The following MYH7B variants were observed in gnomAD, a reference collection of about 807,000 sequenced individuals.
MYH7B encodes myosin heavy chain 7B, also known as myosin-7B.
A neutral mutation model predicts 234.5 loss-of-function variants in MYH7B; 205 were observed. The ratio of observed to expected loss-of-function variants is 0.87; its 90% CI spans 0.78 to 0.98. The LOEUF (loss-of-function observed/expected upper bound fraction) is 0.98, where lower values mean the gene tolerates loss of function less well. Among genes scored for constraint, MYH7B ranks in the 50% least tolerant of loss-of-function variants. The pLI, the probability that MYH7B is intolerant of heterozygous loss-of-function variation, is 0.00. For synonymous variants in MYH7B, 1,193 were observed against 1,105.0 expected (o/e 1.08, Z -1.58); for missense variants, 2,652 against 2,633.4 (o/e 1.01, Z -0.15).
chr20:34,980,923 A>G (rs2081932962), intron 8 of MYH7B, 110 bp from the exon 9 acceptor site: 1 of 1,535,470 alleles, frequency 6.5e-7, no homozygotes, highest in Non-Finnish European at 9.0e-7. Flanking sequence ...GCTCCTTCCC[A>G]TTCCTGGCTC....
chr20:34,994,364 C>T (rs1033624016), exon 27 of MYH7B: 1 of 1,598,294 alleles, frequency 6.3e-7, no homozygotes, highest in Admixed American at 1.7e-5. Flanking sequence ...GTCAGCATCA[C>T]CCAGGAGAAG....
Position 34,975,413 on chromosome 20 carries a change from A to G in MYH7B, c.-208A>G, listed in dbSNP as rs1194785204. The G allele has an allele frequency of 2.7e-5, 17 of 633,938 alleles. No homozygotes were observed. Among genetic ancestry groups the G allele is most frequent in the Non-Finnish European group, 4.4e-5 (15 of 344,434 alleles). 39.3% of individuals were successfully genotyped at this position (633,938 alleles called of 1,614,324 possible). A position where few individuals can be genotyped will look rare whatever the true frequency, so the allele number is the denominator to read the frequency against. On this transcript the variant is annotated 5_prime_UTR_variant, in exon 3 of 45. The change abolishes an upstream ATG in the 5' untranslated region. Transcript: ENST00000262873. ...TGTTTGTTGTAGAGATGGGGTTTTG[A>G]TGTGTTGCCCAGGCTGGTCTTGAAC...
At position 35,001,280 on chromosome 20, in the gene MYH7B, GA is replaced by G. The variant is rs763709025; in HGVS notation, c.5513del (p.Lys1838ArgfsTer123). On this transcript the variant is annotated frameshift_variant, in exon 42 of 45. Transcript: ENST00000262873. LOFTEE classifies it high-confidence loss of function. ...TGGAGGCTGAGCTTGATGCAGAGCA[GA>G]AGAAGCACGCCGAGGCCCTTAAGGG... 22 of 1,612,872 alleles carry G rather than the reference GA, an allele frequency of 1.4e-5. No individual in the cohort carries two copies. The South Asian group carries it at 2.3e-4, about 17-fold the overall frequency.
intron 8 of MYH7B, 68 bp from the exon 9 acceptor site, chr20:34,980,965 C>T: frequency 6.2e-7 from 1 of 1,605,848 alleles, no homozygotes; most frequent in Admixed American, 1.7e-5. Flanking sequence ...GATGGATACC[C>T]AGGGTGTTCC....
exon 33 of MYH7B, chr20:34,998,361 G>A (rs570667098): frequency 3.7e-6 from 6 of 1,613,944 alleles, no homozygotes; most frequent in Non-Finnish European, 5.1e-6. Context: ...CAAGGTGGAG[G>A]AGCTGCAGCG....
chr20:34,998,696 T>C, intron 34 of MYH7B, 23 bp from the exon 35 acceptor site: 2 of 1,611,776 alleles, frequency 1.2e-6, no homozygotes, highest in Non-Finnish European at 1.7e-6. Flanking sequence ...GCACTAACGC[T>C]GAGGTCACTG....
In MYH7B at chr20:34,995,536, A is replaced by G. The variant is rs772605085; in HGVS notation, c.2901A>G (p.Thr967=). ...AGGACATTGATGACCTGGAGCTGAC[A>G]CTGGCCAAAGCTGAGAAGGAGAAGC... The change falls in exon 28 of 45, where the codon ACA becomes ACG. Residue 967 remains threonine, a synonymous_variant. Transcript: ENST00000262873. 3 of 1,614,136 alleles carry G rather than the reference A, an allele frequency of 1.9e-6. No homozygotes were observed. In the Admixed American group the frequency reaches 5.0e-5, roughly 27 times the overall value.
At chr20:35,002,307 C>G in exon 45 of MYH7B, 5 of 1,133,626 alleles carry the variant, frequency 4.4e-6, no homozygotes, top group Non-Finnish European at 6.1e-6. Context: ...TTCCCTGGGC[C>G]CTGAATAAAC....
At chr20:34,993,582 G>A in intron 26 of MYH7B, 112 bp downstream of exon 26, 1 of 1,232,278 alleles carries the variant, frequency 8.1e-7, no homozygotes, top group Non-Finnish European at 1.1e-6. Flanking sequence ...CAGCCCCTGT[G>A]GCTGGTTGGG....
At chr20:34,988,805 CCTTTTTT>C (rs2082083383) in intron 19 of MYH7B, among the ~76,000 whole-genome samples, 1 of 113,106 alleles carries the variant, frequency 8.8e-6, no homozygotes, top group African/African-American at 4.0e-5. Flanking sequence ...ATCCTTTATC[CCTTTTTT>C]TTTTTTTTTT....
In MYH7B at chr20:34,987,927, C is replaced by A; in HGVS notation, c.1416+13C>A. 6.3e-7 allele frequency: 1 copy of A among 1,579,794 alleles called. No homozygotes were observed. The highest frequency in any genetic ancestry group is 8.6e-7 in the Non-Finnish European group (1 of 1,160,948). ...TGAGATCTTTGAGGTGAGGACAGGCCCTCACCTTGGCCTCTGTTCTCTCCA... is the reference window on the plus strand; with the variant it reads ...TGAGATCTTTGAGGTGAGGACAGGCACTCACCTTGGCCTCTGTTCTCTCCA... On this transcript the variant is annotated intron_variant, in intron 18 of 44. Coordinates refer to ENST00000262873, the Ensembl canonical transcript of MYH7B.
intron 24 of MYH7B, 90 bp downstream of exon 24, chr20:34,991,211 CCT>C (rs763274485): frequency 1.8e-5 from 17 of 920,796 alleles, no homozygotes; most frequent in Admixed American, 5.1e-5. Flanking sequence ...CAGACGGTCC[CCT>C]GTCTGGAGGG....
At position 34,996,768 on chromosome 20, in the gene MYH7B, G is replaced by A; in HGVS notation, c.3266+10G>A. On this transcript the variant is annotated intron_variant, in intron 30 of 44. Transcript: ENST00000262873. ...AGGAGAAGCTCAAGAAGTAGGTGTG[G>A]TGGGGCAGCAGGTGGGGGCCTTCTG... The A allele has an allele frequency of 1.2e-6, 2 of 1,606,892 alleles. No homozygotes were observed. Among genetic ancestry groups the A allele is most frequent in the Non-Finnish European group, 1.7e-6 (2 of 1,177,256 alleles).
At chr20:34,993,173 T>C (rs746904179) in exon 25 of MYH7B, 1 of 1,613,988 alleles carries the variant, frequency 6.2e-7, no homozygotes, top group Non-Finnish European at 8.5e-7. Flanking sequence ...ACAGAGAAAC[T>C]GCTGGGCTCG....
intron 1 of MYH7B, among the ~76,000 whole-genome samples, chr20:34,956,568 G>A (rs1241159424): frequency 6.6e-6 from 1 of 152,176 alleles, no homozygotes; most frequent in Non-Finnish European, 1.5e-5. Context: ...CCAGCTTCTA[G>A]GGAATTAACC....
intron 43 of MYH7B, 23 bp from the exon 44 acceptor site, chr20:35,001,925 C>A (rs374512290): frequency 3.1e-6 from 5 of 1,607,220 alleles, no homozygotes; most frequent in Non-Finnish European, 4.3e-6. Flanking sequence ...CAAGCGGAAC[C>A]AAGGCCCTGT....
At chr20:34,980,418 A>G (rs2081924085) in intron 7 of MYH7B, 160 bp from the exon 8 acceptor site, 2 of 651,386 alleles carry the variant, frequency 3.1e-6, no homozygotes, top group African/African-American at 1.8e-5. Flanking sequence ...TCGTGGTGGC[A>G]CGCGCTTGTA....
Position 35,000,774 on chromosome 20 carries a change from G to C in MYH7B, c.5185G>C (p.Gly1729Arg), listed in dbSNP as rs763343439. The change falls in exon 40 of 45, where the codon GGC becomes CGC. Residue 1729 changes from glycine to arginine, a missense_variant. By Grantham distance (125) the Gly-to-Arg change is moderately radical. Around this residue, in one of 3 missense-constraint regions of MYH7B, gnomAD observed 2,279 missense variants for 2,211.4 expected, o/e 1.03. Transcript: ENST00000262873. ...AGACTCCTCTTCCCCTCAGAACACA[G>C]GCCTCCTAAACCAGAAGAAGAAGCT... 3 of 1,612,756 alleles carry C rather than the reference G, an allele frequency of 1.9e-6. No homozygotes were observed. Among genetic ancestry groups the C allele is most frequent in the Admixed American group, 3.3e-5 (2 of 59,770 alleles).
At chr20:35,000,200 C>T (rs1242653191) in intron 38 of MYH7B, 93 bp from the exon 39 acceptor site, 1 of 1,434,544 alleles carries the variant, frequency 7.0e-7, no homozygotes, top group Non-Finnish European at 9.3e-7. Context: ...CTCATTTGTT[C>T]TCAAAATGGG....
Sources: gnomAD v4.1 joint callset for allele counts (sites outside exome capture counted in the v4.1 genomes callset) on GRCh38, gnomAD v4.1.1 for gene constraint, gnomAD v4.1.1 regional missense constraint, MANE v1.5 for transcripts, NCBI Gene and HGNC (gene_info 2026-07-23, HGNC 2026-07-21) for gene names.